INPP5A: variants seen among roughly 807,000 people sequenced by gnomAD.
INPP5A encodes the protein 43 kDa inositol polyphosphate 5-phophatase.
Under a neutral mutation model 65.2 loss-of-function variants are expected in INPP5A, and 14 were observed. The observed-to-expected ratio is 0.21, with a 90% CI of 0.14 to 0.34. The LOEUF is 0.34. Ranked by LOEUF, INPP5A falls within the 10% of genes least tolerant of loss-of-function variation. INPP5A has a pLI of 1.00. For synonymous variants in INPP5A, 207 were observed against 208.3 expected, an observed-to-expected ratio of 0.99 and a Z score of 0.05; for missense variants, 431 against 545.6, an observed-to-expected ratio of 0.79 and a Z score of 2.09.
Position 132,617,527 on chromosome 10 carries a change from G to A in INPP5A, c.117+9571G>A, listed in dbSNP as rs987063066. On this transcript the variant is annotated intron_variant, in intron 2 of 15. Transcript: ENST00000368594. The stretch of plus-strand genomic sequence containing the variant: ...CCACACCTGAAGGGTGTGGAGGAGC[G>A]GCTGTTACCTGCTCGTGTGGCCAGT... Among the ~76,000 whole-genome samples, 7 of 152,316 alleles carry A rather than the reference G, an allele frequency of 4.6e-5. No individual in the cohort carries two copies. In the East Asian group the frequency reaches 9.6e-4, roughly 21 times the overall value.
At chr10:132,703,771 C>A (rs1590938421) in intron 6 of INPP5A, among the ~76,000 whole-genome samples, 1 of 81,354 alleles carries the variant, frequency 1.2e-5, no homozygotes, top group African/African-American at 5.2e-5. Context: ...CCCCCCCACA[C>A]ACACACACAG....
intron 1 of INPP5A, among the ~76,000 whole-genome samples, chr10:132,541,393 C>G (rs1365734066): frequency 6.6e-6 from 1 of 152,204 alleles, no homozygotes; most frequent in Non-Finnish European, 1.5e-5. Context: ...ACTACTCCAT[C>G]TTTGTGACCC....
At chr10:132,633,573 T>C (rs558559878) in intron 2 of INPP5A, among the ~76,000 whole-genome samples, 47 of 152,298 alleles carry the variant, frequency 3.1e-4, no homozygotes, top group African/African-American at 1.1e-3. Context: ...GTTTTCAAGC[T>C]GAATCCCCAA....
chr10:132,749,689 GCCTGC>G (rs1173434530), intron 10 of INPP5A, 77 bp downstream of exon 10: 14 of 1,597,742 alleles, frequency 8.8e-6, no homozygotes, highest in Non-Finnish European at 1.2e-5. Flanking sequence ...GAGCCGCCCT[GCCTGC>G]CCGGTTCGGT....
chr10:132,707,990 T>C lies in INPP5A; in HGVS notation c.475-323T>C, dbSNP rs1232427761. ...TGTGTCTCGAGCTCCCTGATCAGCA[T>C]CTGTGGTGACAGTGGTTTCCCTGCA... On this transcript the variant is annotated intron_variant, in intron 6 of 15. Transcript: ENST00000368594. This position sits in a 1 kb window ranked among gnomAD's most constrained non-coding sequence, Gnocchi z 5.5. 6.6e-6 allele frequency among the ~76,000 whole-genome samples: 1 copy of C among 152,186 alleles called. No individual in the cohort carries two copies. Among genetic ancestry groups the C allele is most frequent in the African/African-American group, 2.4e-5 (1 of 41,448 alleles).
At chr10:132,594,013 C>T (rs763162278) in intron 1 of INPP5A, among the ~76,000 whole-genome samples, 10 of 152,166 alleles carry the variant, frequency 6.6e-5, no homozygotes, top group Non-Finnish European at 1.3e-4. Flanking sequence ...AATAGTCACT[C>T]GCTTGCTTAC....
chr10:132,693,380 C>G (rs1465735496), intron 5 of INPP5A, among the ~76,000 whole-genome samples: 1 of 152,064 alleles, frequency 6.6e-6, no homozygotes, highest in Non-Finnish European at 1.5e-5. Context: ...CAGAGACTGT[C>G]AGAGTGGATT....
chr10:132,559,085 C>T (rs2071165418), intron 1 of INPP5A, among the ~76,000 whole-genome samples: 1 of 152,230 alleles, frequency 6.6e-6, no homozygotes, highest in African/African-American at 2.4e-5. Context: ...TCCTGAGGGT[C>T]CCTGAGCTTG....
At chr10:132,652,645 T>G (rs1182663725) in intron 4 of INPP5A, among the ~76,000 whole-genome samples, 1 of 152,188 alleles carries the variant, frequency 6.6e-6, no homozygotes, top group Non-Finnish European at 1.5e-5. Flanking sequence ...AGCTACCTCT[T>G]CCTCATGGGG....
chr10:132,759,782 C>A (rs1846698007), intron 11 of INPP5A, among the ~76,000 whole-genome samples: 2 of 152,172 alleles, frequency 1.3e-5, no homozygotes, highest in Non-Finnish European at 2.9e-5. Context: ...GCCCCATGCC[C>A]ACGCCAGCCC....
chr10:132,780,724 C>T, intron 13 of INPP5A, 125 bp from the exon 14 acceptor site: 1 of 800,404 alleles, frequency 1.2e-6, no homozygotes, highest in Non-Finnish European at 2.2e-6. Flanking sequence ...TGGGGAGGTA[C>T]TGGCAGGGGC....
At chr10:132,596,659 T>C (rs955029709) in intron 1 of INPP5A, among the ~76,000 whole-genome samples, 1 of 152,230 alleles carries the variant, frequency 6.6e-6, no homozygotes, top group Admixed American at 6.5e-5. Flanking sequence ...TGAGAATTCC[T>C]GACCTCGTGA....
chr10:132,655,374 C>T (rs961485003), intron 4 of INPP5A, among the ~76,000 whole-genome samples: 1 of 152,178 alleles, frequency 6.6e-6, no homozygotes, highest in Non-Finnish European at 1.5e-5. Flanking sequence ...CGCGGTGCAT[C>T]CTCCCACACA....
chr10:132,662,583 G>C (rs746733997), intron 4 of INPP5A, among the ~76,000 whole-genome samples: 1 of 152,172 alleles, frequency 6.6e-6, no homozygotes, highest in Admixed American at 6.5e-5. Context: ...GTGGTTTCCC[G>C]GGGAAGGGGT....
At chr10:132,613,962 A>G (rs2071994658) in intron 2 of INPP5A, among the ~76,000 whole-genome samples, 1 of 152,254 alleles carries the variant, frequency 6.6e-6, no homozygotes, top group Admixed American at 6.5e-5. Context: ...GGGAAGAACT[A>G]AATATGATCT....
At chr10:132,754,188 C>T (rs1344151221) in intron 11 of INPP5A, among the ~76,000 whole-genome samples, 1 of 152,262 alleles carries the variant, frequency 6.6e-6, no homozygotes, top group African/African-American at 2.4e-5. Flanking sequence ...CCGCCATGGT[C>T]CCTGCGCAGC....
intron 1 of INPP5A, among the ~76,000 whole-genome samples, chr10:132,580,901 A>G (rs2071474856): frequency 6.6e-6 from 1 of 152,244 alleles, no homozygotes; most frequent in Non-Finnish European, 1.5e-5. Flanking sequence ...TTCTTTTGAC[A>G]TAAAAATTAT....
chr10:132,761,918 CAG>C (rs1357307463), intron 11 of INPP5A, among the ~76,000 whole-genome samples: 3 of 151,878 alleles, frequency 2.0e-5, no homozygotes, highest in Non-Finnish European at 2.9e-5. Context: ...AAAAGCATGA[CAG>C]AATTAGAAAC....
rs1314628111 is a variant in INPP5A at position 132,547,310 on chromosome 10, C to A, written c.75+9139C>A. Reference sequence around the variant, plus strand: ...AGCCTTTGGGCTGAGTGAGGCGTTACTGCCATCAGGGGTCCCTGGAGGGGC... The same window carrying A: ...AGCCTTTGGGCTGAGTGAGGCGTTAATGCCATCAGGGGTCCCTGGAGGGGC... On this transcript the variant is annotated intron_variant, in intron 1 of 15. Transcript: ENST00000368594. This position sits in a 1 kb window ranked among gnomAD's most constrained non-coding sequence, Gnocchi z 5.5. Among the ~76,000 whole-genome samples, 1 of 152,214 alleles carries A rather than the reference C, an allele frequency of 6.6e-6. No individual in the cohort carries two copies. Among genetic ancestry groups the A allele is most frequent in the Non-Finnish European group, 1.5e-5 (1 of 68,032 alleles).
Sources: allele counts gnomAD v4.1 joint callset (sites outside exome capture counted in the v4.1 genomes callset), GRCh38; gene constraint gnomAD v4.1.1; non-coding constraint Gnocchi (gnomAD v3.1); transcripts MANE v1.5; gene names NCBI Gene and HGNC (gene_info 2026-07-23, HGNC 2026-07-21).